Variants in D2HGDH observed in about 807,000 individuals in gnomAD.
The protein encoded by D2HGDH is D-2-hydroxyglutarate dehydrogenase, mitochondrial.
In D2HGDH, 31 loss-of-function variants were observed where a neutral mutation model predicts 46.9. The ratio of observed to expected loss-of-function variants is 0.66; its 90% CI spans 0.50 to 0.89. The LOEUF (loss-of-function observed/expected upper bound fraction) is 0.89, where lower values mean the gene tolerates loss of function less well. D2HGDH is among the 40% of genes least tolerant of loss of function. D2HGDH has a pLI of 0.00. For synonymous variants in D2HGDH, 364 were observed against 332.6 expected (o/e 1.09, Z -1.03); for missense variants, 698 against 720.8 (o/e 0.97, Z 0.36).
Position 241,750,312 on chromosome 2 carries a change from A to G in D2HGDH, c.997+18A>G, listed in dbSNP as rs763494373. On this transcript the variant is annotated intron_variant, in intron 7 of 9. Transcript: ENST00000321264. The stretch of plus-strand genomic sequence containing the variant: ...GGTGCAAGGTACTGACCCCCCACAC[A>G]GGGGGCAGCTGGTCCTGCAGCTCCT... 222 of 1,364,384 alleles carry G rather than the reference A, an allele frequency of 1.6e-4. No homozygotes were observed. Among genetic ancestry groups the G allele is most frequent in the Middle Eastern group, 2.3e-4 (1 of 4,286 alleles). 84.5% of individuals were successfully genotyped at this position (1,364,384 alleles called of 1,614,324 possible).
intron 9 of D2HGDH, among the ~76,000 whole-genome samples, chr2:241,759,967 A>G (rs1233267942): frequency 1.3e-5 from 2 of 152,374 alleles, no homozygotes; most frequent in East Asian, 3.9e-4. Context: ...TTAACATTTA[A>G]ATCAGTAGAC....
At chr2:241,744,971 G>GGCCCCCCC (rs1695459059) in intron 6 of D2HGDH, 94 bp downstream of exon 6, 2 of 1,441,026 alleles carry the variant, frequency 1.4e-6, no homozygotes, top group African/African-American at 3.4e-5. Flanking sequence ...GGGATGGAGG[G>GGCCCCCCC]ACCCCCCGCC....
At chr2:241,761,266 C>T (rs554231097) in intron 9 of D2HGDH, among the ~76,000 whole-genome samples, 1 of 152,310 alleles carries the variant, frequency 6.6e-6, no homozygotes, top group South Asian at 2.1e-4. Context: ...GGGCCGGGCA[C>T]AGTGGCTCAC....
intron 8 of D2HGDH, among the ~76,000 whole-genome samples, chr2:241,752,610 T>G (rs929343399): frequency 6.6e-6 from 1 of 151,974 alleles, no homozygotes; most frequent in African/African-American, 2.4e-5. Flanking sequence ...CAGTCTGTTT[T>G]CCCAGCAGAA....
intron 6 of D2HGDH, among the ~76,000 whole-genome samples, chr2:241,746,887 C>CAAAAA (rs148116391): frequency 1.5e-5 from 1 of 68,662 alleles, no homozygotes; most frequent in East Asian, 3.6e-4. Context: ...GACTCCATCT[C>CAAAAA]AAAAAAAAAA....
chr2:241,756,586 A>G (rs554785317), intron 9 of D2HGDH, among the ~76,000 whole-genome samples: 3 of 152,162 alleles, frequency 2.0e-5, no homozygotes, highest in African/African-American at 4.8e-5. Context: ...CAGTGGCGCA[A>G]TCTCGGCTCA....
At position 241,743,483 on chromosome 2, in the gene D2HGDH, G is replaced by A; in HGVS notation, c.491-139G>A. 1 of 885,816 alleles carries A rather than the reference G, an allele frequency of 1.1e-6. No individual in the cohort carries two copies. The highest frequency in any genetic ancestry group is 1.5e-5 in the South Asian group (1 of 68,178). 54.9% of individuals were successfully genotyped at this position (885,816 alleles called of 1,614,324 possible). Reference sequence around the variant, plus strand: ...TCGTCCTTGGGCCAGCGATGTGGGGGTGCCTCTTCTCCTCAGCCCTGGCGC... The same window carrying A: ...TCGTCCTTGGGCCAGCGATGTGGGGATGCCTCTTCTCCTCAGCCCTGGCGC... On this transcript the variant is annotated intron_variant, in intron 4 of 9. Coordinates refer to ENST00000321264, the MANE Select transcript of D2HGDH (RefSeq NM_152783.5). The surrounding 1 kb of genome is among the most constrained non-coding windows in gnomAD (Gnocchi z 4.8).
Position 241,743,806 on chromosome 2 carries a change from C to A in D2HGDH, c.675C>A (p.Gly225=), listed in dbSNP as rs781012097. 1 of 1,601,042 alleles carries A rather than the reference C, an allele frequency of 6.2e-7. No individual in the cohort carries two copies. Among genetic ancestry groups the A allele is most frequent in the Non-Finnish European group, 8.5e-7 (1 of 1,174,438 alleles). ...GCTCACTGCATGGGACTGTCCTGGG[C>A]CTGGAAGTGGTGAGCTGGGGCAGCT... ...RYGSLHGTVL[G]LEVVLADGTV... Residue 225 remains glycine, a synonymous_variant, in exon 5 of 10, where the codon GGC becomes GGA. Coordinates refer to ENST00000321264, the MANE Select transcript of D2HGDH (RefSeq NM_152783.5). This position sits in a 1 kb window ranked among gnomAD's most constrained non-coding sequence, Gnocchi z 4.8.
Position 241,742,323 on chromosome 2 carries a change from A to AGGGCAGGGTAATCAGGATTTGGAGTC in D2HGDH, c.351-111_351-86dup. On this transcript the variant is annotated intron_variant, in intron 3 of 9. Transcript: ENST00000321264. The surrounding 1 kb of genome is among the most constrained non-coding windows in gnomAD (Gnocchi z 4.8). ...AGGAGCCCCCGCTGAGGCTGCAGGC[A>AGGGCAGGGTAATCAGGATTTGGAGTC]GGGCAGGGTAATCAGGATTTGGAGT... 1.4e-6 allele frequency: 2 copies of AGGGCAGGGTAATCAGGATTTGGAGTC among 1,394,974 alleles called. No individual in the cohort carries two copies. The highest frequency in any genetic ancestry group is 1.9e-6 in the Non-Finnish European group (2 of 1,031,218). The allele number at this position is 1,394,974 out of a possible 1,614,324, so 86.4% of individuals were successfully genotyped here. A position where few individuals can be genotyped will look rare whatever the true frequency, so the allele number is the denominator to read the frequency against.
chr2:241,735,030 G>C lies in D2HGDH; in HGVS notation c.-92-103G>C, dbSNP rs1692369718. 1.9e-5 allele frequency: 12 copies of C among 636,054 alleles called. No homozygotes were observed. The South Asian group carries it at 2.9e-4, about 15-fold the overall frequency. 39.4% of individuals were successfully genotyped at this position (636,054 alleles called of 1,614,324 possible). Reference sequence around the variant, plus strand: ...GGCAGGGGGAGGGCCCGGGTGCTCGGAGCCTTCCCTTCGCTGCCCTCCTGC... The same window carrying C: ...GGCAGGGGGAGGGCCCGGGTGCTCGCAGCCTTCCCTTCGCTGCCCTCCTGC... On this transcript the variant is annotated intron_variant, in intron 1 of 9. Coordinates refer to ENST00000321264, the MANE Select transcript of D2HGDH (RefSeq NM_152783.5).
Position 241,744,709 on chromosome 2 carries a change from G to T in D2HGDH, c.685G>T (p.Val229Leu), listed in dbSNP as rs754604455. 1.2e-6 allele frequency: 2 copies of T among 1,614,264 alleles called. No individual in the cohort carries two copies. The highest frequency in any genetic ancestry group is 1.7e-5 in the Admixed American group (1 of 60,032). Residue 229 changes from valine (V) to leucine (L), a missense_variant and splice_region_variant, in exon 6 of 10, where the codon GTG becomes TTG. Transcript: ENST00000321264. ...LHGTVLGLEV[V>L]LADGTVLDCL... ...TGAACGTGCTTCTCTTTGCCCCAAGGTGCTGGCCGACGGCACTGTCCTGGA... is the reference window on the plus strand; with the variant it reads ...TGAACGTGCTTCTCTTTGCCCCAAGTTGCTGGCCGACGGCACTGTCCTGGA...
chr2:241,763,357 T>C (rs564534166), intron 9 of D2HGDH, among the ~76,000 whole-genome samples: 1 of 152,282 alleles, frequency 6.6e-6, no homozygotes, highest in African/African-American at 2.4e-5. Flanking sequence ...GACATAATGC[T>C]GAGTATGTGC....
At chr2:241,762,069 CTTTTTTT>C (rs564362722) in intron 9 of D2HGDH, among the ~76,000 whole-genome samples, 4 of 108,166 alleles carry the variant, frequency 3.7e-5, no homozygotes, top group East Asian at 2.6e-4. Context: ...TTTTCTTTTC[CTTTTTTT>C]TTTTTTTTTT....
At chr2:241,762,665 T>C (rs1698936693) in intron 9 of D2HGDH, among the ~76,000 whole-genome samples, 1 of 152,172 alleles carries the variant, frequency 6.6e-6, no homozygotes, top group Non-Finnish European at 1.5e-5. Flanking sequence ...CTCTCAGGTT[T>C]GGATGCTATT....
At position 241,750,260 on chromosome 2, in the gene D2HGDH, C is replaced by G; in HGVS notation, c.963C>G (p.Val321=). The change falls in exon 7 of 10, where the codon GTC becomes GTG. Residue 321 remains valine (V), a synonymous_variant. Coordinates refer to ENST00000321264, the MANE Select transcript of D2HGDH (RefSeq NM_152783.5). ...EFMDAVCMQL[V]GRHLHLASPV... Reference sequence around the variant, plus strand: ...TGGATGCTGTGTGCATGCAGCTGGTCGGGCGCCATCTCCACCTGGCCAGCC... The same window carrying G: ...TGGATGCTGTGTGCATGCAGCTGGTGGGGCGCCATCTCCACCTGGCCAGCC... 1 of 1,613,774 alleles carries G rather than the reference C, an allele frequency of 6.2e-7. No homozygotes were observed. The highest frequency in any genetic ancestry group is 1.1e-5 in the South Asian group (1 of 91,060).
chr2:241,737,630 C>T (rs938853242), intron 2 of D2HGDH, among the ~76,000 whole-genome samples: 1 of 152,186 alleles, frequency 6.6e-6, no homozygotes, highest in African/African-American at 2.4e-5. Flanking sequence ...GCTGGGACTA[C>T]AGCTGGGTTA....
Position 241,735,394 on chromosome 2 carries a change from T to G in D2HGDH, c.170T>G (p.Leu57Trp). 1 of 1,596,708 alleles carries G rather than the reference T, an allele frequency of 6.3e-7. No individual in the cohort carries two copies. The highest frequency in any genetic ancestry group is 8.5e-7 in the Non-Finnish European group (1 of 1,174,916). Residue 57 changes from leucine to tryptophan, a missense_variant, in exon 2 of 10, where the codon TTG becomes TGG. Transcript: ENST00000321264. Reference sequence around the variant, plus strand: ...CGGGAGCGCTACCCCGTGCGGCGCTTGCCGTTCTCCACGGTGTCTAAGCAG... The same window carrying G: ...CGGGAGCGCTACCCCGTGCGGCGCTGGCCGTTCTCCACGGTGTCTAAGCAG... ...LTRERYPVRR[L>W]PFSTVSKQDL...
chr2:241,741,929 CG>C (rs1467717251), intron 3 of D2HGDH, among the ~76,000 whole-genome samples: 1 of 152,142 alleles, frequency 6.6e-6, no homozygotes, highest in African/African-American at 2.4e-5. Flanking sequence ...TCCCAGAGCA[CG>C]GAACTTTGGT....
intron 7 of D2HGDH, 73 bp downstream of exon 7, chr2:241,750,367 A>T: frequency 1.9e-6 from 2 of 1,061,662 alleles, no homozygotes; most frequent in Non-Finnish European, 2.6e-6. Context: ...GGGACGGCTC[A>T]GAGACCCCGG....
Sources: allele counts gnomAD v4.1 joint callset (sites outside exome capture counted in the v4.1 genomes callset), GRCh38; gene constraint gnomAD v4.1.1; non-coding constraint Gnocchi (gnomAD v3.1); transcripts MANE v1.5; gene names NCBI Gene and HGNC (gene_info 2026-07-23, HGNC 2026-07-21).